The following AUTS2 variants were observed in gnomAD, a reference collection of about 807,000 sequenced individuals.
The protein encoded by AUTS2 is autism susceptibility gene 2 protein.
A neutral mutation model predicts 112.4 loss-of-function variants in AUTS2; 17 were observed. The observed-to-expected ratio is 0.15, with a 90% CI of 0.10 to 0.23. The LOEUF is 0.23. Among genes scored for constraint, AUTS2 ranks in the 10% least tolerant of loss-of-function variants. The pLI is 1.00. For synonymous variants in AUTS2, 751 were observed against 702.7 expected (o/e 1.07, Z -1.09); for missense variants, 1,510 against 1,701.6 (o/e 0.89, Z 1.98).
chr7:69,839,475 T>G (rs1310609779), intron 1 of AUTS2, among the ~76,000 whole-genome samples: 1 of 152,190 alleles, frequency 6.6e-6, no homozygotes, highest in African/African-American at 2.4e-5. Flanking sequence ...GAATATGACT[T>G]AATCCCCAAG....
chr7:69,873,222 A>G (rs1793583224), intron 1 of AUTS2, among the ~76,000 whole-genome samples: 1 of 152,178 alleles, frequency 6.6e-6, no homozygotes, highest in Non-Finnish European at 1.5e-5. Context: ...CTAGCTTAAC[A>G]GAGTGCAGTG....
intron 4 of AUTS2, among the ~76,000 whole-genome samples, chr7:70,143,091 A>G (rs982396683): frequency 2.0e-5 from 3 of 152,244 alleles, no homozygotes; most frequent in African/African-American, 4.8e-5. Context: ...AATCCATTGC[A>G]TAAGAAACTT....
chr7:70,513,273 G>C (rs921569473), intron 5 of AUTS2, among the ~76,000 whole-genome samples: 1 of 152,222 alleles, frequency 6.6e-6, no homozygotes, highest in South Asian at 2.1e-4. Context: ...CCTCTGGGTA[G>C]TAGTGGTGTA....
At chr7:69,636,940 T>C (rs1794573082) in intron 1 of AUTS2, among the ~76,000 whole-genome samples, 2 of 152,092 alleles carry the variant, frequency 1.3e-5, no homozygotes, top group Non-Finnish European at 2.9e-5. Flanking sequence ...TAATTTTTTG[T>C]ATTTTTAGTA....
chr7:70,274,292 A>G (rs1787828728), intron 4 of AUTS2, among the ~76,000 whole-genome samples: 2 of 151,652 alleles, frequency 1.3e-5, no homozygotes, highest in Non-Finnish European at 2.9e-5. Flanking sequence ...TTATATAGAA[A>G]CTCATCTTTT....
At chr7:69,672,873 A>C in intron 1 of AUTS2, among the ~76,000 whole-genome samples, 1 of 152,212 alleles carries the variant, frequency 6.6e-6, no homozygotes, top group South Asian at 2.1e-4. Context: ...TGGAGAGGGC[A>C]GCAAAATGCC....
At chr7:70,298,936 G>A (rs577456268) in intron 4 of AUTS2, among the ~76,000 whole-genome samples, 29 of 152,324 alleles carry the variant, frequency 1.9e-4, no homozygotes, top group Admixed American at 1.3e-3. Context: ...TTTAATGCCA[G>A]CCCACACGGG....
intron 5 of AUTS2, among the ~76,000 whole-genome samples, chr7:70,592,233 C>T (rs917266502): frequency 1.3e-5 from 2 of 152,134 alleles, no homozygotes; most frequent in African/African-American, 4.8e-5. Flanking sequence ...AACTTTTTGT[C>T]GTGAGCAATA....
intron 5 of AUTS2, among the ~76,000 whole-genome samples, chr7:70,495,697 T>G (rs113029911): frequency 1.1e-4 from 1 of 9,204 alleles, no homozygotes; most frequent in Non-Finnish European, 2.3e-4. Context: ...ACGTACACAG[T>G]CACACACACA....
chr7:70,449,667 C>G (rs959457948), intron 5 of AUTS2, among the ~76,000 whole-genome samples: 1 of 152,158 alleles, frequency 6.6e-6, no homozygotes, highest in Admixed American at 6.5e-5. Context: ...ATAGTGATCA[C>G]AAAATCTCAA....
At chr7:70,586,634 T>C (rs1180495180) in intron 5 of AUTS2, among the ~76,000 whole-genome samples, 1 of 152,178 alleles carries the variant, frequency 6.6e-6, no homozygotes, top group Non-Finnish European at 1.5e-5. Flanking sequence ...GCCCATTGCA[T>C]TGATGTTTCT....
chr7:69,670,082 C>G (rs1009997394), intron 1 of AUTS2, among the ~76,000 whole-genome samples: 1 of 152,132 alleles, frequency 6.6e-6, no homozygotes, highest in East Asian at 1.9e-4. Context: ...ACCAGAGAGG[C>G]TGTTGCTTTC....
chr7:70,109,509 T>G (rs1029901746), intron 2 of AUTS2, among the ~76,000 whole-genome samples: 17 of 152,208 alleles, frequency 1.1e-4, no homozygotes, highest in Non-Finnish European at 1.5e-4. Context: ...TTTTTCTCTA[T>G]TGTTTAGACT....
intron 4 of AUTS2, among the ~76,000 whole-genome samples, chr7:70,301,670 G>A (rs1789221286): frequency 6.6e-6 from 1 of 151,892 alleles, no homozygotes; most frequent in Non-Finnish European, 1.5e-5. Context: ...TTATATGTAG[G>A]CTGCAATTTT....
chr7:70,685,351 T>G (rs550721111), intron 5 of AUTS2, among the ~76,000 whole-genome samples: 1 of 151,498 alleles, frequency 6.6e-6, no homozygotes, highest in African/African-American at 2.4e-5. Context: ...TGCACCCCTG[T>G]AGACCCAGCT....
chr7:70,695,344 G>A (rs930016898), intron 5 of AUTS2, among the ~76,000 whole-genome samples: 1 of 152,226 alleles, frequency 6.6e-6, no homozygotes. Flanking sequence ...CCGATGTGAG[G>A]AGGGGGCCGG....
intron 1 of AUTS2, among the ~76,000 whole-genome samples, chr7:69,804,854 G>C (rs1790232002): frequency 6.6e-6 from 1 of 152,170 alleles, no homozygotes; most frequent in African/African-American, 2.4e-5. Flanking sequence ...GATTTCCAAG[G>C]CTCTACCATG....
At chr7:69,930,148 T>C (rs1369470247) in intron 2 of AUTS2, among the ~76,000 whole-genome samples, 1 of 152,198 alleles carries the variant, frequency 6.6e-6, no homozygotes, top group Non-Finnish European at 1.5e-5. Flanking sequence ...GTCTCTCTCA[T>C]GGGAACAGGC....
intron 1 of AUTS2, among the ~76,000 whole-genome samples, chr7:69,693,252 C>T: frequency 6.6e-6 from 1 of 152,198 alleles, no homozygotes; most frequent in East Asian, 1.9e-4. Context: ...CTGTCAGCGC[C>T]TGGTGTATTT....
Sources: allele counts gnomAD v4.1 joint callset (sites outside exome capture counted in the v4.1 genomes callset), GRCh38; gene constraint gnomAD v4.1.1; transcripts MANE v1.5; gene names NCBI Gene and HGNC (gene_info 2026-07-23, HGNC 2026-07-21).